SLC14A2: variants seen among roughly 807,000 people sequenced by gnomAD.
SLC14A2 encodes urea transporter 2.
A neutral mutation model predicts 104.6 loss-of-function variants in SLC14A2; 91 were observed. That is an observed-to-expected ratio of 0.87 (90% CI 0.73 to 1.04). SLC14A2 has a LOEUF of 1.04. SLC14A2 is among the 50% of genes least tolerant of loss of function. SLC14A2 has a pLI of 0.00. For synonymous variants in SLC14A2, 476 were observed against 466.4 expected (o/e 1.02, Z -0.27); for missense variants, 1,189 against 1,156.0 (o/e 1.03, Z -0.41).
chr18:45,230,067 A>G (rs531018053), intron 1 of SLC14A2, among the ~76,000 whole-genome samples: 1 of 152,316 alleles, frequency 6.6e-6, no homozygotes, highest in Admixed American at 6.5e-5. Flanking sequence ...GGTAAACACT[A>G]TTTGAGGGTT....
intron 2 of SLC14A2, among the ~76,000 whole-genome samples, chr18:45,539,446 A>G (rs2043850761): frequency 6.6e-6 from 1 of 152,176 alleles, no homozygotes; most frequent in African/African-American, 2.4e-5. Context: ...TGTGAGTTCA[A>G]AGGTCACTGC....
chr18:45,626,949 CTCTT>C lies in SLC14A2; in HGVS notation c.332-6_332-3del, dbSNP rs1180343628. The C allele has an allele frequency of 6.2e-7, 1 of 1,605,556 alleles. No individual in the cohort carries two copies. The highest frequency in any genetic ancestry group is 2.2e-5 in the East Asian group (1 of 44,758). Reference sequence around the variant, plus strand: ...GACCTGCTGATGGCTCGCTCTCTGTCTCTTTCAGACAAGCACCTTGCCCTCCAGT... The same window carrying C: ...GACCTGCTGATGGCTCGCTCTCTGTCTCAGACAAGCACCTTGCCCTCCAGT... On this transcript the variant is annotated splice_region_variant and splice_polypyrimidine_tract_variant and intron_variant, in intron 3 of 19. Coordinates refer to ENST00000255226, the MANE Select transcript of SLC14A2 (RefSeq NM_007163.4).
chr18:45,209,392 G>A (rs1443426409), upstream of SLC14A2, among the ~76,000 whole-genome samples: 1 of 151,920 alleles, frequency 6.6e-6, no homozygotes, highest in Non-Finnish European at 1.5e-5. Context: ...TGGTCAAAAT[G>A]TATAGAAATT....
rs5824604 is a variant in SLC14A2, at chr18:45,666,602, T to TA, written c.1558-320dup. ...TTTCTTCTGGAAAGAGTATTAATGT[T>TA]AAAAAAAAAAAAAGACTAAAAATCT... is the stretch of plus-strand genomic sequence containing the variant. On this transcript the variant is annotated intron_variant, in intron 12 of 19. Transcript: ENST00000255226. 1.6e-3 allele frequency among the ~76,000 whole-genome samples: 235 copies of TA among 146,028 alleles called. 1 individual carries two copies. In the East Asian group the frequency reaches 0.017, roughly 10 times the overall value.
At chr18:45,172,323 TA>T in the SLC14A2 span, among the ~76,000 whole-genome samples, 3 of 152,102 alleles carry the variant, frequency 2.0e-5, no homozygotes, top group Non-Finnish European at 4.4e-5. Context: ...AAATTTATAA[TA>T]AGCCAGCATC....
At chr18:45,559,702 A>G (rs2044177562) in intron 2 of SLC14A2, among the ~76,000 whole-genome samples, 1 of 152,120 alleles carries the variant, frequency 6.6e-6, no homozygotes, top group Admixed American at 6.5e-5. Flanking sequence ...TTGTCACCTT[A>G]TTTTCTAAAC....
chr18:45,215,529 C>T (rs1410814992), intron 1 of SLC14A2, among the ~76,000 whole-genome samples: 1 of 152,174 alleles, frequency 6.6e-6, no homozygotes, highest in Non-Finnish European at 1.5e-5. Context: ...GTTGCTTCAT[C>T]ACATCATAAG....
intron 1 of SLC14A2, among the ~76,000 whole-genome samples, chr18:45,425,101 G>A (rs1378850658): frequency 1.3e-5 from 2 of 152,156 alleles, no homozygotes; most frequent in Non-Finnish European, 2.9e-5. Flanking sequence ...TGCACATCCA[G>A]TTCCCTTTAG....
At chr18:45,358,782 A>G (rs1377274170) in intron 1 of SLC14A2, among the ~76,000 whole-genome samples, 1 of 152,094 alleles carries the variant, frequency 6.6e-6, no homozygotes, top group Non-Finnish European at 1.5e-5. Context: ...TGATCTTGCT[A>G]TGTTGCTGGT....
chr18:45,525,130 G>GAC (rs5824592), intron 2 of SLC14A2, among the ~76,000 whole-genome samples: 173 of 149,636 alleles, frequency 1.2e-3, no homozygotes, highest in African/African-American at 2.8e-3. Context: ...TTTGCATATA[G>GAC]ACACACACAC....
chr18:45,524,616 A>ATT (rs2043565041), intron 2 of SLC14A2, among the ~76,000 whole-genome samples: 1 of 152,212 alleles, frequency 6.6e-6, no homozygotes, highest in Admixed American at 6.5e-5. Context: ...AACAGATGAC[A>ATT]CATACACATG....
At chr18:45,347,021 A>G (rs2085456417) in intron 1 of SLC14A2, among the ~76,000 whole-genome samples, 1 of 150,630 alleles carries the variant, frequency 6.6e-6, no homozygotes, top group Non-Finnish European at 1.5e-5. Context: ...ACAAACAAAC[A>G]AATCAGGCCT....
chr18:45,452,514 A>C (rs1157936760), intron 1 of SLC14A2, among the ~76,000 whole-genome samples: 1 of 152,230 alleles, frequency 6.6e-6, no homozygotes, highest in Non-Finnish European at 1.5e-5. Context: ...CAGGGGAAAC[A>C]ATGCAACAAA....
At chr18:45,390,747 T>C (rs2085952023) in intron 1 of SLC14A2, among the ~76,000 whole-genome samples, 1 of 152,196 alleles carries the variant, frequency 6.6e-6, no homozygotes, top group African/African-American at 2.4e-5. Flanking sequence ...CAATGGCTGC[T>C]GGAGCCAGGC....
chr18:45,236,515 A>G (rs1473079325), intron 1 of SLC14A2, among the ~76,000 whole-genome samples: 1 of 102,378 alleles, frequency 9.8e-6, no homozygotes, highest in Non-Finnish European at 2.0e-5. Context: ...GTATGTGTGT[A>G]TATATGTGTA....
chr18:45,317,631 C>T (rs551284553), intron 1 of SLC14A2, among the ~76,000 whole-genome samples: 1 of 152,196 alleles, frequency 6.6e-6, no homozygotes, highest in South Asian at 2.1e-4. Flanking sequence ...GGATGATTTC[C>T]GGTCAGAGCC....
intron 1 of SLC14A2, among the ~76,000 whole-genome samples, chr18:45,370,710 C>T (rs1416010622): frequency 1.3e-5 from 2 of 152,092 alleles, no homozygotes; most frequent in African/African-American, 4.8e-5. Flanking sequence ...TTGGAAACAA[C>T]ATATTATCTT....
chr18:45,577,746 T>C (rs1458228523), intron 2 of SLC14A2, among the ~76,000 whole-genome samples: 1 of 152,156 alleles, frequency 6.6e-6, no homozygotes, highest in Non-Finnish European at 1.5e-5. Flanking sequence ...GTGAAATTTA[T>C]CATTAGTCAA....
At chr18:45,606,745 AAAC>A (rs748880505) in intron 2 of SLC14A2, among the ~76,000 whole-genome samples, 1 of 75,684 alleles carries the variant, frequency 1.3e-5, no homozygotes, top group East Asian at 3.8e-4. Context: ...AAAAAAAAAA[AAAC>A]AAAACAAAAA....
Sources: gnomAD v4.1 joint callset for allele counts (sites outside exome capture counted in the v4.1 genomes callset) on GRCh38, gnomAD v4.1.1 for gene constraint, MANE v1.5 for transcripts, NCBI Gene and HGNC (gene_info 2026-07-23, HGNC 2026-07-21) for gene names.